PARD3B: variants seen among roughly 807,000 people sequenced by gnomAD.
PARD3B encodes the protein par-3 family cell polarity regulator beta.
In PARD3B, 103 loss-of-function variants were observed where a neutral mutation model predicts 130.2. That is an observed-to-expected ratio of 0.79 (90% CI 0.67 to 0.93). The LOEUF (loss-of-function observed/expected upper bound fraction) is 0.93, where lower values mean the gene tolerates loss of function less well. PARD3B is among the 40% of genes least tolerant of loss of function. The pLI, the probability that PARD3B is intolerant of heterozygous loss-of-function variation, is 0.00. For synonymous variants in PARD3B, 583 were observed against 553.2 expected, an observed-to-expected ratio of 1.05 and a Z score of -0.76; for missense variants, 1,609 against 1,499.2, an observed-to-expected ratio of 1.07 and a Z score of -1.21.
intron 18 of PARD3B, among the ~76,000 whole-genome samples, chr2:205,306,856 ATTC>A (rs1281144323): frequency 6.6e-6 from 1 of 152,236 alleles, no homozygotes; most frequent in African/African-American, 2.4e-5. Context: ...TTTTGCTTTA[ATTC>A]TCATCTGTTG....
intron 1 of PARD3B, among the ~76,000 whole-genome samples, chr2:204,575,751 C>T (rs1486645569): frequency 6.6e-6 from 1 of 152,184 alleles, no homozygotes; most frequent in African/African-American, 2.4e-5. Flanking sequence ...GATAGGTGTG[C>T]TTGGTTGATT....
chr2:204,583,346 A>G (rs1334085269), intron 1 of PARD3B, among the ~76,000 whole-genome samples: 1 of 105,224 alleles, frequency 9.5e-6, no homozygotes, highest in Middle Eastern at 4.1e-3. Flanking sequence ...GAAATTGGAA[A>G]CCATCATTCT....
chr2:204,680,798 G>T (rs1244617810), intron 1 of PARD3B, among the ~76,000 whole-genome samples: 2 of 151,960 alleles, frequency 1.3e-5, no homozygotes, highest in East Asian at 3.9e-4. Context: ...GCATTTTTGA[G>T]ATATTTTTCT....
In PARD3B at chr2:205,590,387, C is replaced by T. The variant is rs965348896; in HGVS notation, c.3261-25069C>T. On this transcript the variant is annotated intron_variant, in intron 22 of 22. Coordinates refer to ENST00000406610, the MANE Select transcript of PARD3B (RefSeq NM_001302769.2). The surrounding 1 kb of genome is among the most constrained non-coding windows in gnomAD (Gnocchi z 4.1). ...CACAGCATCAGGCTTACTTCCCCCT[C>T]TTCTCAGCTACTCCACAAAAGAGGG... Among the ~76,000 whole-genome samples the T allele has an allele frequency of 3.3e-5, 5 of 151,816 alleles. No homozygotes were observed. The highest frequency in any genetic ancestry group is 1.3e-4 in the Admixed American group (2 of 15,244).
intron 1 of PARD3B, among the ~76,000 whole-genome samples, chr2:204,643,113 C>CAAAAAAAAAAAAAAA (rs1252171157): frequency 4.6e-4 from 2 of 4,312 alleles, no homozygotes; most frequent in African/African-American, 8.3e-4. Flanking sequence ...GACTCTGTCT[C>CAAAAAAAAAAAAAAA]ACAAAAAAAA....
At chr2:205,541,347 G>GTTTTTTT in intron 21 of PARD3B, among the ~76,000 whole-genome samples, 1 of 122,194 alleles carries the variant, frequency 8.2e-6, no homozygotes, top group East Asian at 2.4e-4. Flanking sequence ...CAGAAACTTT[G>GTTTTTTT]TTTTTTTTTT....
intron 11 of PARD3B, 138 bp from the exon 12 acceptor site, chr2:205,172,072 TG>T: frequency 1.3e-6 from 1 of 777,130 alleles, no homozygotes; most frequent in Non-Finnish European, 2.0e-6. Flanking sequence ...TTTTCTGCCA[TG>T]GAAAATAAAT....
intron 20 of PARD3B, among the ~76,000 whole-genome samples, chr2:205,455,895 T>A (rs2048258489): frequency 6.6e-6 from 1 of 152,060 alleles, no homozygotes; most frequent in African/African-American, 2.4e-5. Flanking sequence ...GATATAGAAC[T>A]ATTTTCATCA....
intron 4 of PARD3B, among the ~76,000 whole-genome samples, chr2:205,071,642 A>G (rs1351050023): frequency 6.6e-6 from 1 of 152,222 alleles, no homozygotes; most frequent in Non-Finnish European, 1.5e-5. Flanking sequence ...GTTAGTACAG[A>G]CAACAAAAGA....
rs1359193078 is a variant in PARD3B at position 204,664,284 on chromosome 2, T to C, written c.121-21897T>C. Among the ~76,000 whole-genome samples, 1 of 152,212 alleles carries C rather than the reference T, an allele frequency of 6.6e-6. No homozygotes were observed. ...GGAATAGAGCATCAATTGCTTGCTC[T>C]CAGATACTAGTCTTTTTTGTTTTTC... is the stretch of plus-strand genomic sequence containing the variant. On this transcript the variant is annotated intron_variant, in intron 1 of 22. Transcript: ENST00000406610. This position sits in a 1 kb window ranked among gnomAD's most constrained non-coding sequence, Gnocchi z 5.2.
In PARD3B at chr2:205,523,217, G is replaced by GTATATATATATA. The variant is rs1559176093; in HGVS notation, c.3180+23187_3180+23188insATATATATATAT. Among the ~76,000 whole-genome samples, 25 of 58,540 alleles carry GTATATATATATA rather than the reference G, an allele frequency of 4.3e-4. No individual in the cohort carries two copies. The South Asian group carries it at 9.9e-3, about 23-fold the overall frequency. 38.4% of individuals were successfully genotyped at this position (58,540 alleles called of 152,430 possible). A position where few individuals can be genotyped will look rare whatever the true frequency, so the allele number is the denominator to read the frequency against. On this transcript the variant is annotated intron_variant, in intron 21 of 22. Transcript: ENST00000406610. ...TTACCCCCGTGTACTATATGTGTGT[G>GTATATATATATA]TGTGTGTGTATATATATATATATAT...
chr2:205,000,455 G>A (rs1171714157), intron 3 of PARD3B, among the ~76,000 whole-genome samples: 6 of 152,098 alleles, frequency 3.9e-5, no homozygotes, highest in Admixed American at 3.9e-4. Context: ...TTCCATGTTT[G>A]TTATATTATG....
chr2:205,177,404 A>C (rs1446404367), intron 13 of PARD3B, among the ~76,000 whole-genome samples: 2 of 152,222 alleles, frequency 1.3e-5, no homozygotes, highest in African/African-American at 2.4e-5. Context: ...GAAATAATGA[A>C]ATGTATGTAA....
At chr2:205,545,580 G>T (rs1258024056) in intron 21 of PARD3B, among the ~76,000 whole-genome samples, 1 of 152,116 alleles carries the variant, frequency 6.6e-6, no homozygotes, top group Non-Finnish European at 1.5e-5. Flanking sequence ...TGTAAATGAG[G>T]ATGTTATATA....
chr2:205,321,770 A>G lies in PARD3B; in HGVS notation c.2630+20069A>G, dbSNP rs1463701491. On this transcript the variant is annotated intron_variant, in intron 18 of 22. Coordinates refer to ENST00000406610, the MANE Select transcript of PARD3B (RefSeq NM_001302769.2). The surrounding 1 kb of genome is among the most constrained non-coding windows in gnomAD (Gnocchi z 4.2). ...AACCATTTTTGTGGGGTTTATCACT[A>G]TCTAATCTAAAAACATAAATTAAGT... Among the ~76,000 whole-genome samples, 4 of 152,230 alleles carry G rather than the reference A, an allele frequency of 2.6e-5. No individual in the cohort carries two copies. The highest frequency in any genetic ancestry group is 4.4e-5 in the Non-Finnish European group (3 of 68,038).
intron 2 of PARD3B, among the ~76,000 whole-genome samples, chr2:204,746,608 G>A (rs2040240385): frequency 6.6e-6 from 1 of 152,162 alleles, no homozygotes; most frequent in Admixed American, 6.5e-5. Flanking sequence ...CGGTGTAAAA[G>A]TGTTCCTATT....
intron 11 of PARD3B, among the ~76,000 whole-genome samples, chr2:205,169,775 A>G (rs2035040640): frequency 6.6e-6 from 1 of 152,134 alleles, no homozygotes; most frequent in Admixed American, 6.5e-5. Flanking sequence ...TAAAAACCAC[A>G]CATCAGTCTC....
At chr2:205,057,887 G>T (rs1699833510) in intron 4 of PARD3B, among the ~76,000 whole-genome samples, 1 of 147,294 alleles carries the variant, frequency 6.8e-6, no homozygotes, top group African/African-American at 2.5e-5. Context: ...TTAAAAAAAA[G>T]ACTTTTTTCT....
At chr2:204,648,580 TATATTATATTATATATAATATA>T (rs2035354578) in intron 1 of PARD3B, among the ~76,000 whole-genome samples, 1 of 126,908 alleles carries the variant, frequency 7.9e-6, no homozygotes, top group South Asian at 2.2e-4. Flanking sequence ...ATATATATTA[TATATTATATTATATATAATATA>T]TTTATATTTA....
Sources: allele counts gnomAD v4.1 joint callset (sites outside exome capture counted in the v4.1 genomes callset), GRCh38; gene constraint gnomAD v4.1.1; non-coding constraint Gnocchi (gnomAD v3.1); transcripts MANE v1.5; gene names NCBI Gene and HGNC (gene_info 2026-07-23, HGNC 2026-07-21).